PTPRN2: variants seen among roughly 807,000 people sequenced by gnomAD.
The protein encoded by PTPRN2 is protein tyrosine phosphatase receptor type N2, also known as receptor-type tyrosine-protein phosphatase N2.
PTPRN2 carries 74 observed loss-of-function variants against 118.8 expected under a neutral mutation model. The ratio of observed to expected loss-of-function variants is 0.62; its 90% CI spans 0.52 to 0.76. The LOEUF (loss-of-function observed/expected upper bound fraction) is 0.76, where lower values mean the gene tolerates loss of function less well. Ranked by LOEUF, PTPRN2 falls within the 30% of genes least tolerant of loss-of-function variation. The pLI, the probability that PTPRN2 is intolerant of heterozygous loss-of-function variation, is 0.00. For synonymous variants in PTPRN2, 641 were observed against 608.0 expected, an observed-to-expected ratio of 1.05 and a Z score of -0.80; for missense variants, 1,481 against 1,394.4, an observed-to-expected ratio of 1.06 and a Z score of -0.99.
At chr7:158,130,014 A>T (rs1818039958) in intron 9 of PTPRN2, among the ~76,000 whole-genome samples, 1 of 152,224 alleles carries the variant, frequency 6.6e-6, no homozygotes, top group African/African-American at 2.4e-5. Context: ...GCTGCTTACA[A>T]CTTACCTAAA....
intron 12 of PTPRN2, among the ~76,000 whole-genome samples, chr7:157,786,040 C>T (rs1428859281): frequency 6.6e-6 from 1 of 152,164 alleles, no homozygotes; most frequent in Middle Eastern, 3.2e-3. Context: ...TGTTTGGCCT[C>T]CTCTGCCCCC....
intron 9 of PTPRN2, among the ~76,000 whole-genome samples, chr7:158,130,107 CAAGAT>C (rs1199162243): frequency 6.6e-6 from 1 of 152,138 alleles, no homozygotes; most frequent in African/African-American, 2.4e-5. Context: ...GGTTTGAGCT[CAAGAT>C]AAAATATTTC....
intron 2 of PTPRN2, among the ~76,000 whole-genome samples, chr7:158,347,058 T>G (rs1290971832): frequency 2.0e-5 from 3 of 152,230 alleles, no homozygotes; most frequent in African/African-American, 7.2e-5. Context: ...AGGTTGTCTG[T>G]GCACTCTGCT....
intron 1 of PTPRN2, among the ~76,000 whole-genome samples, chr7:158,492,845 G>A (rs77369590): frequency 0.2 from 30,124 of 152,218 alleles, 3,409 homozygotes; most frequent in East Asian, 0.42. Context: ...TCGGGCACAC[G>A]CCTTCCTCGA....
intron 11 of PTPRN2, among the ~76,000 whole-genome samples, chr7:158,023,683 C>T (rs1807068317): frequency 1.3e-5 from 2 of 152,256 alleles, no homozygotes; most frequent in South Asian, 4.1e-4. Flanking sequence ...CACACACATT[C>T]TTAACCTATC....
chr7:158,577,649 TC>T (rs1180286956), intron 1 of PTPRN2, among the ~76,000 whole-genome samples: 1 of 152,272 alleles, frequency 6.6e-6, no homozygotes, highest in African/African-American at 2.4e-5. Context: ...CACCTTGTCT[TC>T]ATTTCCTCTA....
intron 14 of PTPRN2, among the ~76,000 whole-genome samples, chr7:157,641,956 T>A (rs965597108): frequency 6.6e-6 from 1 of 152,122 alleles, no homozygotes; most frequent in Non-Finnish European, 1.5e-5. Flanking sequence ...TTCTGTGAAC[T>A]GCCCTCTGCT....
intron 12 of PTPRN2, among the ~76,000 whole-genome samples, chr7:157,699,293 T>C (rs1563358983): frequency 6.6e-6 from 1 of 152,248 alleles, no homozygotes. Context: ...AAGCTCACCT[T>C]TGTACCTGGA....
intron 11 of PTPRN2, among the ~76,000 whole-genome samples, chr7:158,008,089 G>A (rs1805781855): frequency 6.9e-6 from 1 of 145,952 alleles, no homozygotes; most frequent in Non-Finnish European, 1.5e-5. Flanking sequence ...GTGGGTGTGG[G>A]TGTGCTGTGT....
chr7:158,357,274 G>A (rs1345100844), intron 2 of PTPRN2, among the ~76,000 whole-genome samples: 4 of 152,228 alleles, frequency 2.6e-5, no homozygotes, highest in East Asian at 3.8e-4. Flanking sequence ...AGGCCTCTGC[G>A]GCAGGTCTGT....
chr7:157,842,205 C>A (rs573307404), intron 12 of PTPRN2, among the ~76,000 whole-genome samples: 32 of 152,236 alleles, frequency 2.1e-4, no homozygotes, highest in African/African-American at 7.2e-4. Context: ...GGTGCTGCTG[C>A]ATCACATGGT....
intron 6 of PTPRN2, among the ~76,000 whole-genome samples, chr7:158,161,558 C>A (rs1174544721): frequency 6.6e-6 from 1 of 152,194 alleles, no homozygotes; most frequent in African/African-American, 2.4e-5. Flanking sequence ...CAGATGCAGA[C>A]CTTACACCTT....
At chr7:157,668,035 G>A (rs921273575) in intron 13 of PTPRN2, among the ~76,000 whole-genome samples, 1 of 152,220 alleles carries the variant, frequency 6.6e-6, no homozygotes, top group Non-Finnish European at 1.5e-5. Flanking sequence ...CCTCAGGTGT[G>A]AGCACACAAA....
chr7:158,562,220 G>A (rs1196177544), intron 1 of PTPRN2, among the ~76,000 whole-genome samples: 7 of 152,178 alleles, frequency 4.6e-5, no homozygotes, highest in Non-Finnish European at 7.3e-5. Flanking sequence ...CCTGCTTCCT[G>A]GATCATAGAT....
chr7:158,083,891 C>T (rs1273353288), intron 10 of PTPRN2, among the ~76,000 whole-genome samples: 5 of 152,216 alleles, frequency 3.3e-5, no homozygotes, highest in East Asian at 3.9e-4. Context: ...CTCAGAGGGT[C>T]GGTAACGTGA....
intron 5 of PTPRN2, among the ~76,000 whole-genome samples, chr7:158,175,749 G>A (rs752433457): frequency 6.6e-6 from 1 of 152,212 alleles, no homozygotes; most frequent in Non-Finnish European, 1.5e-5. Flanking sequence ...AATCTATGAG[G>A]TTGAAGAGGT....
At chr7:158,101,430 A>G (rs968016692) in intron 10 of PTPRN2, among the ~76,000 whole-genome samples, 2 of 152,250 alleles carry the variant, frequency 1.3e-5, no homozygotes, top group Non-Finnish European at 2.9e-5. Context: ...AGGAAATAGC[A>G]TTGGAAAAAC....
chr7:157,746,058 C>T (rs1481518058), intron 12 of PTPRN2, among the ~76,000 whole-genome samples: 1 of 145,236 alleles, frequency 6.9e-6, no homozygotes, highest in East Asian at 2.1e-4. Context: ...GTGTGGAGAT[C>T]ACAGGACTCC....
chr7:158,148,534 A>C (rs373985783), intron 6 of PTPRN2, among the ~76,000 whole-genome samples: 1 of 40,542 alleles, frequency 2.5e-5, no homozygotes, highest in African/African-American at 1.1e-4. Flanking sequence ...CTCACGCCAC[A>C]GGTCTTTCCC....
Sources: gnomAD v4.1 joint callset for allele counts (sites outside exome capture counted in the v4.1 genomes callset) on GRCh38, gnomAD v4.1.1 for gene constraint, MANE v1.5 for transcripts, NCBI Gene and HGNC (gene_info 2026-07-23, HGNC 2026-07-21) for gene names.